Variants in COL4A4 observed in about 807,000 individuals in gnomAD.
The protein encoded by COL4A4 is collagen alpha-4(IV) chain.
In COL4A4, 105 loss-of-function variants were observed where a neutral mutation model predicts 192.9. The ratio of observed to expected loss-of-function variants is 0.54; its 90% CI spans 0.46 to 0.64. The LOEUF (loss-of-function observed/expected upper bound fraction) is 0.64, where lower values mean the gene tolerates loss of function less well. Among genes scored for constraint, COL4A4 ranks in the 30% least tolerant of loss-of-function variants. The pLI is 0.00. For missense variants in COL4A4, 1,967 were observed against 2,169.3 expected, an observed-to-expected ratio of 0.91 and a Z score of 1.85; for synonymous variants, 762 against 769.9, an observed-to-expected ratio of 0.99 and a Z score of 0.17.
chr2:226,993,260 T>C, the COL4A4 span, among the ~76,000 whole-genome samples: 1 of 152,098 alleles, frequency 6.6e-6, no homozygotes, highest in African/African-American at 2.4e-5. Context: ...CCTCTGGGAG[T>C]CTCAGCAGTC....
chr2:227,026,008 G>T (rs1966847318), intron 42 of COL4A4, among the ~76,000 whole-genome samples, 198 bp from the exon 43 acceptor site: 1 of 152,086 alleles, frequency 6.6e-6, no homozygotes, highest in Non-Finnish European at 1.5e-5. Context: ...GACAGGAGCA[G>T]CTATGATTTA....
chr2:227,062,106 C>T (rs1194620809), intron 26 of COL4A4, among the ~76,000 whole-genome samples: 3 of 151,970 alleles, frequency 2.0e-5, no homozygotes, highest in African/African-American at 4.8e-5. Flanking sequence ...GGCACGGTGG[C>T]GGGTACCTGT....
At chr2:227,114,267 C>T (rs371519547) in intron 8 of COL4A4, among the ~76,000 whole-genome samples, 3 of 152,208 alleles carry the variant, frequency 2.0e-5, no homozygotes, top group East Asian at 1.9e-4. Flanking sequence ...CTATTGGCGT[C>T]TAATGAGTAG....
At chr2:227,124,340 C>A (rs2061967658) in intron 4 of COL4A4, among the ~76,000 whole-genome samples, 1 of 152,208 alleles carries the variant, frequency 6.6e-6, no homozygotes, top group Non-Finnish European at 1.5e-5. Context: ...CAACCTCATA[C>A]TTTGTGTACA....
At chr2:227,034,508 T>C (rs1969131606) in intron 37 of COL4A4, among the ~76,000 whole-genome samples, 1 of 151,962 alleles carries the variant, frequency 6.6e-6, no homozygotes, top group Non-Finnish European at 1.5e-5. Flanking sequence ...AAACTTCCTA[T>C]CTCATCAGTA....
intron 1 of COL4A4, among the ~76,000 whole-genome samples, chr2:227,149,449 A>G (rs1272930391): frequency 6.6e-6 from 1 of 152,228 alleles, no homozygotes. Flanking sequence ...TCTGCTTATC[A>G]CTAGAGAAAG....
chr2:227,116,802 C>G (rs76022441), intron 7 of COL4A4, among the ~76,000 whole-genome samples: 5,269 of 152,118 alleles, frequency 0.035, 292 homozygotes, highest in African/African-American at 0.12. Context: ...TTAAAGGAAC[C>G]CTGAGAGATA....
chr2:227,018,187 C>A (rs930416549), intron 44 of COL4A4, among the ~76,000 whole-genome samples: 1 of 152,172 alleles, frequency 6.6e-6, no homozygotes, highest in African/African-American at 2.4e-5. Flanking sequence ...GTTCTCCACA[C>A]TGGAATTAAC....
At chr2:227,152,309 A>T (rs1194065003) in intron 1 of COL4A4, among the ~76,000 whole-genome samples, 1 of 152,248 alleles carries the variant, frequency 6.6e-6, no homozygotes, top group Non-Finnish European at 1.5e-5. Context: ...TGGATAGAGC[A>T]ATTCTACAAA....
At chr2:227,124,675 A>G (rs950042582) in intron 4 of COL4A4, among the ~76,000 whole-genome samples, 2 of 152,224 alleles carry the variant, frequency 1.3e-5, no homozygotes, top group Non-Finnish European at 2.9e-5. Context: ...GGGTATTGTG[A>G]GGGTTTATCA....
chr2:227,108,848 C>A lies in COL4A4; in HGVS notation c.678G>T (p.Gly226=). 6.2e-7 allele frequency: 1 copy of A among 1,611,878 alleles called. No homozygotes were observed. The highest frequency in any genetic ancestry group is 1.1e-5 in the South Asian group (1 of 90,646). Residue 226 remains glycine, a synonymous_variant, in exon 11 of 48, where the codon GGG becomes GGT. Transcript: ENST00000396625. The part of the protein sequence containing the change: ...PGLVGPPGQP[G]RPGLKGNPGV... ...GACTGCCTACCTTCAAACCTGGACG[C>A]CCTGGTTGGCCCGGAGGTCCCTAAA...
At chr2:227,041,837 AAAGAAAGAAAG>A (rs1971238247) in intron 37 of COL4A4, among the ~76,000 whole-genome samples, 3 of 44,326 alleles carry the variant, frequency 6.8e-5, no homozygotes, top group African/African-American at 2.6e-4. Flanking sequence ...AGAAAGAAAG[AAAGAAAGAAAG>A]AGAAAGAAAG....
downstream of COL4A4, among the ~76,000 whole-genome samples, chr2:227,000,766 G>A (rs936805622): frequency 3.3e-5 from 5 of 151,954 alleles, no homozygotes; most frequent in East Asian, 1.9e-4. Context: ...GAATTCCCAC[G>A]TGTCATGGGA....
At chr2:227,011,609 A>G (rs1459368935) in intron 45 of COL4A4, among the ~76,000 whole-genome samples, 1 of 152,208 alleles carries the variant, frequency 6.6e-6, no homozygotes, top group Non-Finnish European at 1.5e-5. Flanking sequence ...CATGCGCCTA[A>G]CGAGCTACAT....
chr2:227,066,694 CCT>C (rs1408362709), intron 25 of COL4A4, among the ~76,000 whole-genome samples: 3 of 148,562 alleles, frequency 2.0e-5, no homozygotes, highest in African/African-American at 7.4e-5. Flanking sequence ...CCAGGCCTGC[CCT>C]AAAAGAGCTC....
intron 1 of COL4A4, among the ~76,000 whole-genome samples, chr2:227,152,358 C>T (rs935351047): frequency 2.0e-5 from 3 of 152,198 alleles, no homozygotes; most frequent in Admixed American, 6.5e-5. Context: ...AAATGGAATC[C>T]TTTAGTGAAT....
intron 3 of COL4A4, among the ~76,000 whole-genome samples, chr2:227,143,054 A>G (rs2063328082): frequency 4.6e-5 from 7 of 152,184 alleles, no homozygotes; most frequent in Admixed American, 4.6e-4. Flanking sequence ...ATGGGCACAC[A>G]GGCACAGATG....
intron 25 of COL4A4, among the ~76,000 whole-genome samples, chr2:227,070,479 A>C (rs1310368880): frequency 7.2e-5 from 11 of 151,946 alleles, no homozygotes. Context: ...CAAATGTCCA[A>C]CAATGATAGA....
At chr2:227,068,036 A>G (rs1157598208) in intron 25 of COL4A4, among the ~76,000 whole-genome samples, 2 of 146,270 alleles carry the variant, frequency 1.4e-5, no homozygotes, top group Non-Finnish European at 3.0e-5. Flanking sequence ...TAAAGGGGAT[A>G]TCACCACCGA....
Sources: gnomAD v4.1 joint callset for allele counts (sites outside exome capture counted in the v4.1 genomes callset) on GRCh38, gnomAD v4.1.1 for gene constraint, MANE v1.5 for transcripts, NCBI Gene and HGNC (gene_info 2026-07-23, HGNC 2026-07-21) for gene names.